Variants in KLF12 observed in about 807,000 individuals in gnomAD.
KLF12 encodes the protein Krueppel-like factor 12.
KLF12 carries 9 observed loss-of-function variants against 37.8 expected under a neutral mutation model. That is an observed-to-expected ratio of 0.24 (90% CI 0.14 to 0.42). KLF12 has a LOEUF of 0.42. Ranked by LOEUF, KLF12 falls within the 10% of genes least tolerant of loss-of-function variation. The pLI is 1.00. For missense variants in KLF12, 411 were observed against 516.0 expected (o/e 0.80, Z 1.97); for synonymous variants, 208 against 202.1 (o/e 1.03, Z -0.25).
chr13:73,746,126 G>A (rs1222806763), intron 6 of KLF12, among the ~76,000 whole-genome samples: 1 of 151,616 alleles, frequency 6.6e-6, no homozygotes, highest in African/African-American at 2.4e-5. Context: ...GTACATGTGG[G>A]CAAACAATGC....
At chr13:74,245,301 CTAT>C in the KLF12 span, among the ~76,000 whole-genome samples, 1 of 120,340 alleles carries the variant, frequency 8.3e-6, no homozygotes, top group Non-Finnish European at 1.7e-5. Flanking sequence ...GTTTATCTAT[CTAT>C]CTATCTATCT....
chr13:74,149,743 T>G, the KLF12 span, among the ~76,000 whole-genome samples: 4 of 152,204 alleles, frequency 2.6e-5, no homozygotes, highest in Non-Finnish European at 5.9e-5. Context: ...CTTGTAAGAC[T>G]TCTAAGGTAG....
At chr13:73,836,302 G>T (rs1347961255) in intron 4 of KLF12, among the ~76,000 whole-genome samples, 3 of 152,082 alleles carry the variant, frequency 2.0e-5, no homozygotes, top group South Asian at 2.1e-4. Context: ...AAAGAGCTGA[G>T]AAAATAGTAA....
chr13:73,776,358 T>C (rs1880607192), intron 5 of KLF12, among the ~76,000 whole-genome samples: 1 of 152,204 alleles, frequency 6.6e-6, no homozygotes, highest in Admixed American at 6.5e-5. Context: ...AGCCAGGACC[T>C]GACCTACCAG....
At chr13:74,282,657 G>T in the KLF12 span, among the ~76,000 whole-genome samples, 2 of 152,182 alleles carry the variant, frequency 1.3e-5, no homozygotes, top group African/African-American at 4.8e-5. Flanking sequence ...AGAAAAGGAA[G>T]TATGGAAATA....
chr13:74,169,227 C>T, the KLF12 span, among the ~76,000 whole-genome samples: 19 of 152,016 alleles, frequency 1.2e-4, no homozygotes, highest in Admixed American at 4.6e-4. Flanking sequence ...TTAGAATATG[C>T]AATTTATGAT....
intron 6 of KLF12, among the ~76,000 whole-genome samples, chr13:73,737,310 GATTT>G (rs1284163444): frequency 6.6e-6 from 1 of 152,122 alleles, no homozygotes; most frequent in Non-Finnish European, 1.5e-5. Context: ...TCTGGAATCA[GATTT>G]ATTTATTCTT....
chr13:73,729,069 C>G (rs1876869692), intron 6 of KLF12, among the ~76,000 whole-genome samples: 1 of 152,172 alleles, frequency 6.6e-6, no homozygotes, highest in African/African-American at 2.4e-5. Flanking sequence ...CAGAGCTGCT[C>G]TTTATTATAT....
At chr13:73,834,125 C>T (rs1003995826) in intron 4 of KLF12, among the ~76,000 whole-genome samples, 2 of 152,014 alleles carry the variant, frequency 1.3e-5, no homozygotes, top group South Asian at 2.1e-4. Flanking sequence ...GTGTAGAATT[C>T]GGGGAGAACA....
chr13:73,896,262 C>T (rs1887764948), intron 3 of KLF12, among the ~76,000 whole-genome samples: 1 of 152,144 alleles, frequency 6.6e-6, no homozygotes, highest in Non-Finnish European at 1.5e-5. Flanking sequence ...TTCATGATGA[C>T]TCAGATAGTA....
the KLF12 span, among the ~76,000 whole-genome samples, chr13:74,210,653 T>G: frequency 1.3e-5 from 2 of 152,334 alleles, no homozygotes; most frequent in East Asian, 3.9e-4. Flanking sequence ...TTTTCTAAAT[T>G]AGGAATTATC....
At chr13:74,044,283 A>G (rs1413551962) in intron 1 of KLF12, among the ~76,000 whole-genome samples, 3 of 150,850 alleles carry the variant, frequency 2.0e-5, no homozygotes, top group African/African-American at 7.3e-5. Context: ...TGGGATAATA[A>G]AAATGCCTGC....
intron 1 of KLF12, among the ~76,000 whole-genome samples, chr13:74,065,823 C>G (rs1300627524): frequency 3.9e-5 from 6 of 151,970 alleles, no homozygotes; most frequent in African/African-American, 1.4e-4. Flanking sequence ...TCTGAACGAT[C>G]TCTCTAGACA....
At chr13:74,121,402 C>T (rs1877627222) in intron 1 of KLF12, among the ~76,000 whole-genome samples, 1 of 151,876 alleles carries the variant, frequency 6.6e-6, no homozygotes, top group Non-Finnish European at 1.5e-5. Context: ...ACCCTGAAAC[C>T]AGTATCAGAT....
the KLF12 span, among the ~76,000 whole-genome samples, chr13:74,199,177 G>A: frequency 6.6e-6 from 1 of 152,182 alleles, no homozygotes; most frequent in Non-Finnish European, 1.5e-5. Context: ...CCTGGGCATA[G>A]CCCTGAGATG....
intron 3 of KLF12, among the ~76,000 whole-genome samples, chr13:73,930,525 C>T (rs190516051): frequency 1.9e-3 from 286 of 152,286 alleles, no homozygotes; most frequent in Non-Finnish European, 3.2e-3. Context: ...ATTCATTTAA[C>T]TGTCACAACC....
chr13:74,305,759 C>T, the KLF12 span, among the ~76,000 whole-genome samples: 5 of 152,170 alleles, frequency 3.3e-5, no homozygotes, highest in Non-Finnish European at 7.4e-5. Flanking sequence ...CTCTTTTCCT[C>T]TGAAGTGATG....
chr13:73,797,769 CAAAAAAAAAAAA>C (rs34644776), intron 5 of KLF12, among the ~76,000 whole-genome samples: 4 of 71,674 alleles, frequency 5.6e-5, no homozygotes, highest in Non-Finnish European at 8.0e-5. Flanking sequence ...GATCCTGTCT[CAAAAAAAAAAAA>C]AAAAAAAAAA....
chr13:73,826,763 T>TACACACAC (rs59262711), intron 4 of KLF12, among the ~76,000 whole-genome samples: 5,065 of 149,446 alleles, frequency 0.034, 127 homozygotes, highest in African/African-American at 0.078. Flanking sequence ...ATATCATATC[T>TACACACAC]ACACACACAC....
Sources: gnomAD v4.1 joint callset for allele counts (sites outside exome capture counted in the v4.1 genomes callset) on GRCh38, gnomAD v4.1.1 for gene constraint, MANE v1.5 for transcripts, NCBI Gene and HGNC (gene_info 2026-07-23, HGNC 2026-07-21) for gene names.